ZNF746: variants seen among roughly 807,000 people sequenced by gnomAD.
ZNF746 encodes parkin-interacting substrate.
A neutral mutation model predicts 41.0 loss-of-function variants in ZNF746; 13 were observed. The observed-to-expected ratio is 0.32, with a 90% CI of 0.21 to 0.50. The LOEUF (loss-of-function observed/expected upper bound fraction) is 0.50, where lower values mean the gene tolerates loss of function less well. Among genes scored for constraint, ZNF746 ranks in the 20% least tolerant of loss-of-function variants. The pLI is 0.98. For synonymous variants in ZNF746, 424 were observed against 396.2 expected (o/e 1.07, Z -0.83); for missense variants, 811 against 922.9 (o/e 0.88, Z 1.57).
At chr7:149,493,862 A>AC in intron 3 of ZNF746, 127 bp downstream of exon 3, 4 of 1,489,714 alleles carry the variant, frequency 2.7e-6, no homozygotes, top group Non-Finnish European at 3.7e-6. Context: ...ACAAAAGGTA[A>AC]CAACTTGCAA....
chr7:149,475,469 C>A lies in ZNF746; in HGVS notation c.898G>T (p.Val300Leu), dbSNP rs1800267051. The A allele has an allele frequency of 1.2e-6, 2 of 1,611,798 alleles. No individual in the cohort carries two copies. Among genetic ancestry groups the A allele is most frequent in the South Asian group, 1.1e-5 (1 of 91,050 alleles). The change falls in exon 7 of 7, where the codon GTA becomes TTA. Residue 300 changes from valine (V) to leucine (L), a missense_variant. By Grantham distance (32) the Val-to-Leu change is conservative. Transcript: ENST00000458143. ...AASTEADVKI[V>L]IKTEVQEEEV... ...TCTTCCTGGACTTCTGTTTTTATTACAATTTTTACATCTGCTGAGAAAGAC... is the reference window on the plus strand; with the variant it reads ...TCTTCCTGGACTTCTGTTTTTATTAAAATTTTTACATCTGCTGAGAAAGAC...
chr7:149,491,825 T>C, intron 4 of ZNF746: 1 of 700,056 alleles, frequency 1.4e-6, no homozygotes, highest in Non-Finnish European at 2.6e-6. Flanking sequence ...TGCAGAGATG[T>C]GGTCTCCCTA....
intron 4 of ZNF746, among the ~76,000 whole-genome samples, chr7:149,487,209 ATTGTC>A (rs900411888): frequency 3.9e-5 from 6 of 152,190 alleles, no homozygotes; most frequent in Admixed American, 3.3e-4. Flanking sequence ...TGGTGGAAAA[ATTGTC>A]TTCCATGAAA....
At chr7:149,475,995 AGCTAATG>A (rs1800288165) in intron 6 of ZNF746, among the ~76,000 whole-genome samples, 2 of 152,238 alleles carry the variant, frequency 1.3e-5, no homozygotes, top group Non-Finnish European at 1.5e-5. Context: ...TGGACCCACC[AGCTAATG>A]ATAAAAATAT....
rs61749486 is a variant in ZNF746 at position 149,494,260 on chromosome 7, T to C, written c.268A>G (p.Asn90Asp). ...AGCCGCAGGATCCAGAAGTTCCTGTTGCGCAGCAGGTTCTCCACGTTCTCC... is the reference window on the plus strand; with the variant it reads ...AGCCGCAGGATCCAGAAGTTCCTGTCGCGCAGCAGGTTCTCCACGTTCTCC... ...RLENVENLLR[N>D]RNFWILRLPP... The change falls in exon 2 of 7, where the codon AAC (asparagine) becomes GAC (aspartate). Residue 90 changes from asparagine to aspartate, a missense_variant. Physicochemically the swap from Asn to Asp is conservative, Grantham distance 23. Coordinates refer to ENST00000458143, the MANE Select transcript of ZNF746 (RefSeq NM_001394198.1). The surrounding 1 kb of genome is among the most constrained non-coding windows in gnomAD (Gnocchi z 5.6). 319 of 1,614,136 alleles carry C rather than the reference T, an allele frequency of 2.0e-4. No homozygotes were observed. The African/African-American group carries it at 3.8e-3, about 19-fold the overall frequency.
rs191173107 is a variant in ZNF746 at position 149,492,754 on chromosome 7, T to C, written c.565+105A>G. 4.1e-3 allele frequency: 3,334 copies of C among 819,116 alleles called. 13 individuals carry two copies. Among genetic ancestry groups the C allele is most frequent in the Non-Finnish European group, 5.7e-3 (2,780 of 487,908 alleles). 50.7% of individuals were successfully genotyped at this position (819,116 alleles called of 1,614,324 possible). On this transcript the variant is annotated intron_variant, in intron 4 of 6. Transcript: ENST00000458143. The stretch of plus-strand genomic sequence containing the variant: ...CAAGACATAAAACCTGTAAGTTTCA[T>C]GTTTCTCCTCGACTCTCTCTGGAAA...
rs1184655298 is a variant in ZNF746, at chr7:149,497,576, T to TCGCCGC, written c.-46_-41dup. 1 of 1,046,374 alleles carries TCGCCGC rather than the reference T, an allele frequency of 9.6e-7. No individual in the cohort carries two copies. Among genetic ancestry groups the TCGCCGC allele is most frequent in the Non-Finnish European group, 1.1e-6 (1 of 873,094 alleles). The allele number at this position is 1,046,374 out of a possible 1,614,324, so 64.8% of individuals were successfully genotyped here. On this transcript the variant is annotated 5_prime_UTR_variant, in exon 1 of 7. Coordinates refer to ENST00000458143, the MANE Select transcript of ZNF746 (RefSeq NM_001394198.1). This position sits in a 1 kb window ranked among gnomAD's most constrained non-coding sequence, Gnocchi z 4.2. ...CCGCCCGGCCCGGAGGAAGTCGTCGTCGCCGCCGCCGCGCGCGGCACCACG... is the reference window on the plus strand; with the variant it reads ...CCGCCCGGCCCGGAGGAAGTCGTCGTCGCCGCCGCCGCCGCCGCGCGCGGCACCACG...
intron 4 of ZNF746, chr7:149,490,178 T>C (rs1800754901): frequency 6.6e-6 from 1 of 152,390 alleles, no homozygotes; most frequent in Non-Finnish European, 1.5e-5. Context: ...GCTGTGTGAG[T>C]GGTGCGTTTC....
intron 4 of ZNF746, among the ~76,000 whole-genome samples, chr7:149,479,914 A>AC (rs1484559429): frequency 5.9e-5 from 9 of 152,156 alleles, no homozygotes; most frequent in Non-Finnish European, 8.8e-5. Flanking sequence ...AAACAAACAA[A>AC]AAAAGCCAGC....
At chr7:149,477,451 G>C in intron 5 of ZNF746, 113 bp downstream of exon 5, 1 of 1,256,636 alleles carries the variant, frequency 8.0e-7, no homozygotes, top group Non-Finnish European at 1.1e-6. Context: ...TTCTAAAGTT[G>C]TCAGGCCGGA....
chr7:149,482,387 T>G (rs1800507799), intron 4 of ZNF746, among the ~76,000 whole-genome samples: 1 of 151,972 alleles, frequency 6.6e-6, no homozygotes, highest in Non-Finnish European at 1.5e-5. Flanking sequence ...GAAATAAACT[T>G]TGAAAGTAAA....
chr7:149,482,467 GTTT>G (rs35195599), intron 4 of ZNF746, among the ~76,000 whole-genome samples: 10 of 144,660 alleles, frequency 6.9e-5, no homozygotes, highest in African/African-American at 2.3e-4. Flanking sequence ...TAATTCTAAG[GTTT>G]TTTTTTTTTT....
chr7:149,476,737 G>A (rs1800313365), intron 6 of ZNF746, among the ~76,000 whole-genome samples, 185 bp downstream of exon 6: 1 of 152,228 alleles, frequency 6.6e-6, no homozygotes. Flanking sequence ...AAGAAGGGCT[G>A]CTGACACCTA....
chr7:149,495,411 G>A (rs758999289), intron 1 of ZNF746, among the ~76,000 whole-genome samples: 1 of 152,134 alleles, frequency 6.6e-6, no homozygotes. Flanking sequence ...AATTAGAGAC[G>A]GGGGCCTTCC....
intron 4 of ZNF746, among the ~76,000 whole-genome samples, chr7:149,492,451 T>C (rs1044419441): frequency 6.6e-6 from 1 of 152,268 alleles, no homozygotes; most frequent in Non-Finnish European, 1.5e-5. Flanking sequence ...TTCTGGTTAA[T>C]AGGAGACTAC....
At chr7:149,491,783 C>A (rs755509370) in intron 4 of ZNF746, 3 of 676,944 alleles carry the variant, frequency 4.4e-6, no homozygotes, top group East Asian at 2.7e-5. Flanking sequence ...CGGTCAAGGG[C>A]GGGTCTTCTG....
In ZNF746 at chr7:149,497,595, C is replaced by A; in HGVS notation, c.-59G>T. ...TCGTCGTCGCCGCCGCCGCGCGCGGCACCACGCAGGCCCGGCCGCCCGGTG... is the reference window on the plus strand; with the variant it reads ...TCGTCGTCGCCGCCGCCGCGCGCGGAACCACGCAGGCCCGGCCGCCCGGTG... On this transcript the variant is annotated 5_prime_UTR_variant, in exon 1 of 7. Coordinates refer to ENST00000458143, the MANE Select transcript of ZNF746 (RefSeq NM_001394198.1). The surrounding 1 kb of genome is among the most constrained non-coding windows in gnomAD (Gnocchi z 4.2). 9.7e-7 allele frequency: 1 copy of A among 1,034,970 alleles called. No homozygotes were observed. Among genetic ancestry groups the A allele is most frequent in the Non-Finnish European group, 1.2e-6 (1 of 865,418 alleles). 64.1% of individuals were successfully genotyped at this position (1,034,970 alleles called of 1,614,324 possible). A position where few individuals can be genotyped will look rare whatever the true frequency, so the allele number is the denominator to read the frequency against.
At chr7:149,489,909 A>T (rs1448441130) in intron 4 of ZNF746, 2 of 151,772 alleles carry the variant, frequency 1.3e-5, no homozygotes, top group Non-Finnish European at 2.9e-5. Context: ...AAGGGGTAAC[A>T]GAGTGGGGGG....
At chr7:149,489,100 TTA>T (rs1452656473) in intron 4 of ZNF746, 2 of 152,160 alleles carry the variant, frequency 1.3e-5, no homozygotes, top group Non-Finnish European at 2.9e-5. Flanking sequence ...AAAAACCGTA[TTA>T]TATATTGTTT....
Sources: gnomAD v4.1 joint callset for allele counts (sites outside exome capture counted in the v4.1 genomes callset) on GRCh38, gnomAD v4.1.1 for gene constraint, Gnocchi (gnomAD v3.1) non-coding constraint, MANE v1.5 for transcripts, NCBI Gene and HGNC (gene_info 2026-07-23, HGNC 2026-07-21) for gene names.